The following SHISA6 variants were observed in gnomAD, a reference collection of about 807,000 sequenced individuals.
The protein encoded by SHISA6 is shisa family member 6.
SHISA6 carries 22 observed loss-of-function variants against 47.9 expected under a neutral mutation model. The observed-to-expected ratio is 0.46, with a 90% CI of 0.33 to 0.66. The LOEUF (loss-of-function observed/expected upper bound fraction) is 0.66, where lower values mean the gene tolerates loss of function less well. Among genes scored for constraint, SHISA6 ranks in the 30% least tolerant of loss-of-function variants. The probability of loss-of-function intolerance (pLI) is 0.02; values close to 1 mark genes in which losing one functional copy is unlikely to be tolerated. For synonymous variants in SHISA6, 388 were observed against 337.8 expected, an observed-to-expected ratio of 1.15 and a Z score of -1.63; for missense variants, 680 against 764.6, an observed-to-expected ratio of 0.89 and a Z score of 1.30.
intron 3 of SHISA6, among the ~76,000 whole-genome samples, chr17:11,460,884 A>C (rs139751681): frequency 1.5e-3 from 234 of 152,322 alleles, no homozygotes; most frequent in African/African-American, 5.5e-3. Flanking sequence ...AATGTGTTTT[A>C]ATCAGCAAAA....
chr17:11,473,426 A>T (rs1398371791), intron 3 of SHISA6, among the ~76,000 whole-genome samples: 1 of 152,138 alleles, frequency 6.6e-6, no homozygotes, highest in Non-Finnish European at 1.5e-5. Flanking sequence ...GACACTTTGC[A>T]TGCTGCATGC....
At chr17:11,533,393 C>T (rs1391164221) in intron 3 of SHISA6, among the ~76,000 whole-genome samples, 1 of 152,048 alleles carries the variant, frequency 6.6e-6, no homozygotes, top group Non-Finnish European at 1.5e-5. Context: ...ATAATCTAAC[C>T]TCATTCTACC....
chr17:11,536,451 C>T (rs2071789159), intron 3 of SHISA6, among the ~76,000 whole-genome samples: 1 of 152,168 alleles, frequency 6.6e-6, no homozygotes, highest in African/African-American at 2.4e-5. Flanking sequence ...AGCAACCATT[C>T]TATCATTCCA....
chr17:11,263,600 G>A, intron 2 of SHISA6, 74 bp downstream of exon 2: 1 of 1,513,194 alleles, frequency 6.6e-7, no homozygotes, highest in Non-Finnish European at 8.9e-7. Flanking sequence ...GCTCTGGTGG[G>A]GCAGGTTGTG....
chr17:11,502,767 G>A (rs1597555288), intron 3 of SHISA6, among the ~76,000 whole-genome samples: 1 of 152,154 alleles, frequency 6.6e-6, no homozygotes, highest in African/African-American at 2.4e-5. Flanking sequence ...TGTTTGGCAG[G>A]CACTGGGTGG....
chr17:11,353,255 G>A (rs1329960743), intron 2 of SHISA6, among the ~76,000 whole-genome samples: 4 of 152,056 alleles, frequency 2.6e-5, no homozygotes, highest in Non-Finnish European at 5.9e-5. Context: ...TCAGGAGTTC[G>A]AGGCCAGCCT....
At chr17:11,548,774 AT>A (rs1224809328) in intron 3 of SHISA6, among the ~76,000 whole-genome samples, 1 of 152,206 alleles carries the variant, frequency 6.6e-6, no homozygotes, top group African/African-American at 2.4e-5. Flanking sequence ...TTATGCTTAA[AT>A]GATATATAGA....
At chr17:11,361,701 T>C (rs1252577060) in intron 2 of SHISA6, among the ~76,000 whole-genome samples, 1 of 152,222 alleles carries the variant, frequency 6.6e-6, no homozygotes, top group Non-Finnish European at 1.5e-5. Context: ...AGAGCTTCAA[T>C]TCATTAAAAT....
intron 1 of SHISA6, among the ~76,000 whole-genome samples, chr17:11,262,345 C>T (rs1443655245): frequency 6.6e-6 from 1 of 152,116 alleles, no homozygotes; most frequent in Non-Finnish European, 1.5e-5. Flanking sequence ...ATAGTCTTTG[C>T]CTGGCATGTG....
At position 11,517,509 on chromosome 17, in the gene SHISA6, G is replaced by T. The variant is rs1329539144; in HGVS notation, c.896-34387G>T. ...TTAGCATAATGAAATTAGGGCCCAA[G>T]TCTTTGTTATGGAATCGGGTTCTTG... is the stretch of plus-strand genomic sequence containing the variant. On this transcript the variant is annotated intron_variant, in intron 3 of 5. Transcript: ENST00000441885. Among the ~76,000 whole-genome samples the T allele has an allele frequency of 2.0e-5, 3 of 152,222 alleles. No homozygotes were observed. The East Asian group carries it at 5.8e-4, about 29-fold the overall frequency.
chr17:11,546,115 G>A (rs920271309), intron 3 of SHISA6, among the ~76,000 whole-genome samples: 3 of 152,082 alleles, frequency 2.0e-5, no homozygotes, highest in South Asian at 2.1e-4. Context: ...AATATGCCCC[G>A]GTCTCTAAAG....
At chr17:11,302,660 A>G (rs972126223) in intron 2 of SHISA6, among the ~76,000 whole-genome samples, 11 of 152,148 alleles carry the variant, frequency 7.2e-5, no homozygotes, top group African/African-American at 2.7e-4. Context: ...GAACATCTGG[A>G]CCAGTCCAAG....
chr17:11,364,430 G>C (rs1362106398), intron 2 of SHISA6, among the ~76,000 whole-genome samples: 1 of 152,108 alleles, frequency 6.6e-6, no homozygotes, highest in Non-Finnish European at 1.5e-5. Flanking sequence ...GCATTTTTTT[G>C]TGTGTTTGGC....
Position 11,338,128 on chromosome 17 carries a change from G to T in SHISA6, c.800-41286G>T, listed in dbSNP as rs1253641699. Among the ~76,000 whole-genome samples the T allele has an allele frequency of 2.6e-5, 4 of 152,268 alleles. No individual in the cohort carries two copies. In the East Asian group the frequency reaches 5.8e-4, roughly 22 times the overall value. ...ATCAGCTGGACTCAGCATCTGATTTGGATGAGGTCTTTAGCAGTGGGTAAA... is the reference window on the plus strand; with the variant it reads ...ATCAGCTGGACTCAGCATCTGATTTTGATGAGGTCTTTAGCAGTGGGTAAA... On this transcript the variant is annotated intron_variant, in intron 2 of 5. Transcript: ENST00000441885.
intron 3 of SHISA6, among the ~76,000 whole-genome samples, chr17:11,446,473 A>G (rs1472093719): frequency 6.6e-6 from 1 of 152,192 alleles, no homozygotes; most frequent in Non-Finnish European, 1.5e-5. Flanking sequence ...TGTGCTAATT[A>G]CTGTGGCTCT....
chr17:11,500,520 T>C (rs770206880), intron 3 of SHISA6, among the ~76,000 whole-genome samples: 1 of 152,182 alleles, frequency 6.6e-6, no homozygotes, highest in Non-Finnish European at 1.5e-5. Flanking sequence ...ACTGACTTGC[T>C]CAAGGTTCCA....
intron 2 of SHISA6, among the ~76,000 whole-genome samples, chr17:11,331,090 C>T (rs112240163): frequency 1.3e-5 from 2 of 152,192 alleles, no homozygotes; most frequent in Non-Finnish European, 2.9e-5. Context: ...TGGGAGCCTG[C>T]AGGAGAAACA....
intron 3 of SHISA6, among the ~76,000 whole-genome samples, chr17:11,395,276 C>G (rs1040222567): frequency 6.6e-6 from 1 of 151,778 alleles, no homozygotes; most frequent in South Asian, 2.1e-4. Flanking sequence ...AAATGTTTTT[C>G]CTGGTCTGGG....
At chr17:11,260,415 G>T (rs1251619281) in intron 1 of SHISA6, among the ~76,000 whole-genome samples, 2 of 152,032 alleles carry the variant, frequency 1.3e-5, no homozygotes, top group East Asian at 3.9e-4. Context: ...TCGTCCACAT[G>T]GGGGGTGACA....
Sources: allele counts gnomAD v4.1 joint callset (sites outside exome capture counted in the v4.1 genomes callset), GRCh38; gene constraint gnomAD v4.1.1; transcripts MANE v1.5; gene names NCBI Gene and HGNC (gene_info 2026-07-23, HGNC 2026-07-21).